Variants in XIRP2 observed in about 807,000 individuals in gnomAD.
The protein encoded by XIRP2 is xin actin-binding repeat-containing protein 2.
XIRP2 carries 236 observed loss-of-function variants against 277.0 expected under a neutral mutation model. The ratio of observed to expected loss-of-function variants is 0.85; its 90% CI spans 0.77 to 0.95. The LOEUF (loss-of-function observed/expected upper bound fraction) is 0.95. Among genes scored for constraint, XIRP2 ranks in the 40% least tolerant of loss-of-function variants. The probability of loss-of-function intolerance (pLI) is 0.00; values close to 1 mark genes in which losing one functional copy is unlikely to be tolerated. For missense variants in XIRP2, 4,640 were observed against 4,157.5 expected, an observed-to-expected ratio of 1.12 and a Z score of -3.19; for synonymous variants, 1,490 against 1,416.5, an observed-to-expected ratio of 1.05 and a Z score of -1.17.
intron 2 of XIRP2, among the ~76,000 whole-genome samples, chr2:166,916,714 T>C (rs1376860558): frequency 2.0e-5 from 3 of 152,170 alleles, no homozygotes. Flanking sequence ...AGAGAATGTA[T>C]TATACAGAAT....
intron 2 of XIRP2, among the ~76,000 whole-genome samples, chr2:166,941,935 A>T (rs1453738785): frequency 1.3e-5 from 2 of 152,250 alleles, no homozygotes; most frequent in African/African-American, 4.8e-5. Flanking sequence ...ACAATAAAGA[A>T]ACAGCAATAT....
chr2:166,950,531 A>G (rs1203634895), intron 2 of XIRP2, among the ~76,000 whole-genome samples: 1 of 152,096 alleles, frequency 6.6e-6, no homozygotes, highest in Non-Finnish European at 1.5e-5. Context: ...GTGGAAGCAT[A>G]ATTATAGGGA....
chr2:166,948,705 T>C (rs1685948404), intron 2 of XIRP2, among the ~76,000 whole-genome samples: 1 of 152,048 alleles, frequency 6.6e-6, no homozygotes, highest in Non-Finnish European at 1.5e-5. Context: ...TTTCCAGCTT[T>C]CCATATTCTA....
chr2:167,195,179 A>G (rs771513538), intron 3 of XIRP2, among the ~76,000 whole-genome samples: 14 of 152,324 alleles, frequency 9.2e-5, no homozygotes, highest in Middle Eastern at 6.8e-3. Flanking sequence ...AAAGCTACTA[A>G]GTACCCCCTT....
At chr2:167,226,941 C>T (rs746454333) in intron 5 of XIRP2, among the ~76,000 whole-genome samples, 10 of 152,044 alleles carry the variant, frequency 6.6e-5, no homozygotes, top group Non-Finnish European at 1.2e-4. Flanking sequence ...CTCTTTATGC[C>T]GGGTTGTACA....
At chr2:167,160,449 A>G (rs1692330303) in intron 3 of XIRP2, among the ~76,000 whole-genome samples, 1 of 152,212 alleles carries the variant, frequency 6.6e-6, no homozygotes, top group South Asian at 2.1e-4. Context: ...TGGGCAATTT[A>G]CAAAAGAAAC....
rs192744119 is a variant in XIRP2 at position 166,940,885 on chromosome 2, C to T, written c.408+36995C>T. Among the ~76,000 whole-genome samples, 325 of 152,318 alleles carry T rather than the reference C, an allele frequency of 2.1e-3. 1 individual carries two copies. Among genetic ancestry groups the T allele is most frequent in the African/African-American group, 7.4e-3 (307 of 41,576 alleles). ...GGGGGTGCCTCCCTGTTAGGCTACT[C>T]GGGGGTCAGGGACCCACTTGAGGAG... is the stretch of plus-strand genomic sequence containing the variant. On this transcript the variant is annotated intron_variant, in intron 2 of 10. Coordinates refer to ENST00000409195, the MANE Select transcript of XIRP2 (RefSeq NM_152381.6).
At position 167,085,443 on chromosome 2, in the gene XIRP2, T is replaced by C. The variant is rs1335166275; in HGVS notation, c.409-50466T>C. Among the ~76,000 whole-genome samples the C allele has an allele frequency of 5.3e-5, 8 of 151,572 alleles. No homozygotes were observed. In the South Asian group the frequency reaches 1.3e-3, roughly 24 times the overall value. On this transcript the variant is annotated intron_variant, in intron 2 of 10. Transcript: ENST00000409195. ...TGTTGATTTGGGGTGGAGAGTTCTG[T>C]AGATGTCTATTAGGTCTGCTTGGTG... is the stretch of plus-strand genomic sequence containing the variant.
chr2:166,959,623 A>ATT, intron 2 of XIRP2, among the ~76,000 whole-genome samples: 1 of 151,996 alleles, frequency 6.6e-6, no homozygotes, highest in Non-Finnish European at 1.5e-5. Flanking sequence ...TGATGATTAC[A>ATT]TATTCTTTTG....
chr2:166,916,221 AC>A (rs776875120), intron 2 of XIRP2, among the ~76,000 whole-genome samples: 33 of 152,196 alleles, frequency 2.2e-4, no homozygotes, highest in Non-Finnish European at 4.0e-4. Flanking sequence ...GGCTTCCACT[AC>A]ATAAAATCAT....
At chr2:167,194,090 C>A (rs1693429711) in intron 3 of XIRP2, among the ~76,000 whole-genome samples, 1 of 149,050 alleles carries the variant, frequency 6.7e-6, no homozygotes, top group South Asian at 2.1e-4. Context: ...TTTCTTTTTT[C>A]TTTTTTTTTG....
At chr2:166,916,080 T>C (rs1471275437) in intron 2 of XIRP2, among the ~76,000 whole-genome samples, 1 of 152,234 alleles carries the variant, frequency 6.6e-6, no homozygotes, top group Non-Finnish European at 1.5e-5. Context: ...AAAGATGCTA[T>C]AGTTTTCAGC....
intron 2 of XIRP2, among the ~76,000 whole-genome samples, chr2:167,037,206 G>C (rs372665215): frequency 8.5e-5 from 13 of 152,236 alleles, no homozygotes; most frequent in African/African-American, 3.1e-4. Flanking sequence ...ACCAAACGCA[G>C]CTTATAGATA....
chr2:167,254,031 G>A lies in XIRP2; in HGVS notation c.10556-1G>A, dbSNP rs1695590247. 1 of 1,574,286 alleles carries A rather than the reference G, an allele frequency of 6.4e-7. No homozygotes were observed. Among genetic ancestry groups the A allele is most frequent in the Non-Finnish European group, 8.6e-7 (1 of 1,162,498 alleles). On this transcript the variant is annotated splice_acceptor_variant, in intron 9 of 10. Coordinates refer to ENST00000409195, the MANE Select transcript of XIRP2 (RefSeq NM_152381.6). LOFTEE classifies it high-confidence loss of function. ...AAGGCTTTGTAAATTTTTATTTTTA[G>A]AAGCTGCTGCTCCAAGACAAGGAAA...
intron 2 of XIRP2, among the ~76,000 whole-genome samples, chr2:167,078,786 C>T (rs370816674): frequency 4.0e-5 from 6 of 148,510 alleles, no homozygotes; most frequent in African/African-American, 1.5e-4. Context: ...TGCAGTGAGC[C>T]GAGATCGCGC....
intron 2 of XIRP2, among the ~76,000 whole-genome samples, chr2:166,906,587 T>C (rs1329342765): frequency 1.3e-5 from 2 of 152,144 alleles, no homozygotes; most frequent in Non-Finnish European, 1.5e-5. Flanking sequence ...ATATTCATTA[T>C]AATGTGTCTG....
chr2:166,898,402 T>A (rs1684297642), intron 1 of XIRP2, among the ~76,000 whole-genome samples: 1 of 152,168 alleles, frequency 6.6e-6, no homozygotes, highest in Admixed American at 6.6e-5. Flanking sequence ...GTGTGAATGC[T>A]GGTACTGCTG....
At chr2:167,008,370 A>G (rs931460643) in intron 2 of XIRP2, among the ~76,000 whole-genome samples, 3 of 151,600 alleles carry the variant, frequency 2.0e-5, no homozygotes, top group Non-Finnish European at 4.4e-5. Flanking sequence ...GTTTCACATT[A>G]CTCTAAAGTG....
At chr2:167,186,505 A>G (rs1052348383) in intron 3 of XIRP2, among the ~76,000 whole-genome samples, 12 of 152,156 alleles carry the variant, frequency 7.9e-5, no homozygotes, top group Admixed American at 7.9e-4. Context: ...AAATCACAGA[A>G]GGGAGGAAAG....
Sources: allele counts gnomAD v4.1 joint callset (sites outside exome capture counted in the v4.1 genomes callset), GRCh38; gene constraint gnomAD v4.1.1; transcripts MANE v1.5; gene names NCBI Gene and HGNC (gene_info 2026-07-23, HGNC 2026-07-21).